The following ZFAND3 variants were observed in gnomAD, a reference collection of about 807,000 sequenced individuals.
ZFAND3 encodes the protein AN1-type zinc finger protein 3.
A neutral mutation model predicts 29.6 loss-of-function variants in ZFAND3; 10 were observed. The observed-to-expected ratio is 0.34, with a 90% CI of 0.21 to 0.57. The LOEUF (loss-of-function observed/expected upper bound fraction) is 0.57, where lower values mean the gene tolerates loss of function less well. ZFAND3 is among the 20% of genes least tolerant of loss of function. ZFAND3 has a pLI of 0.86. For missense variants in ZFAND3, 230 were observed against 304.5 expected, an observed-to-expected ratio of 0.76 and a Z score of 1.82; for synonymous variants, 128 against 112.6, an observed-to-expected ratio of 1.14 and a Z score of -0.87.
chr6:37,844,159 A>G (rs1326742982), intron 1 of ZFAND3, among the ~76,000 whole-genome samples: 1 of 151,962 alleles, frequency 6.6e-6, no homozygotes, highest in African/African-American at 2.4e-5. Context: ...CTTGGGCTCC[A>G]GTGATCTGCC....
intron 1 of ZFAND3, among the ~76,000 whole-genome samples, chr6:37,853,784 C>T (rs1461988038): frequency 3.3e-5 from 5 of 151,972 alleles, no homozygotes; most frequent in African/African-American, 4.8e-5. Context: ...TTATTAGGCA[C>T]CTGAATAAAT....
Position 37,882,927 on chromosome 6 carries a change from A to T in ZFAND3, c.72-47032A>T, listed in dbSNP as rs868717970. 2.0e-5 allele frequency among the ~76,000 whole-genome samples: 3 copies of T among 152,324 alleles called. No individual in the cohort carries two copies. In the South Asian group the frequency reaches 6.2e-4, roughly 32 times the overall value. ...TACCATCCAGTGTATGGCTATATTT[A>T]AAACATGTAGCCTGGGTGCATTGTC... On this transcript the variant is annotated intron_variant, in intron 1 of 5. Transcript: ENST00000287218.
intron 2 of ZFAND3, among the ~76,000 whole-genome samples, chr6:37,997,799 G>A (rs774810951): frequency 1.3e-5 from 2 of 152,162 alleles, no homozygotes; most frequent in South Asian, 2.1e-4. Context: ...TCATAGGTCC[G>A]TCAGCTTTGA....
chr6:37,861,451 T>TA (rs1291140577), intron 1 of ZFAND3, among the ~76,000 whole-genome samples: 3 of 151,874 alleles, frequency 2.0e-5, no homozygotes, highest in African/African-American at 7.3e-5. Flanking sequence ...GACAACATGA[T>TA]AAAAAAGACG....
rs528476135 is a variant in ZFAND3 at position 38,058,323 on chromosome 6, T to C, written c.113-3270T>C. On this transcript the variant is annotated intron_variant, in intron 2 of 5. Transcript: ENST00000287218. ...CAATTAAATGGTAGACAGATGGTTATGGGAGGGACACAATGATTATTGACA... is the reference window on the plus strand; with the variant it reads ...CAATTAAATGGTAGACAGATGGTTACGGGAGGGACACAATGATTATTGACA... Among the ~76,000 whole-genome samples the C allele has an allele frequency of 2.6e-5, 4 of 152,286 alleles. No homozygotes were observed. In the South Asian group the frequency reaches 8.3e-4, roughly 32 times the overall value.
In ZFAND3 at chr6:38,116,588, T is replaced by G; in HGVS notation, c.378T>G (p.Asn126Lys). 2 of 1,612,058 alleles carry G rather than the reference T, an allele frequency of 1.2e-6. No individual in the cohort carries two copies. Among genetic ancestry groups the G allele is most frequent in the African/African-American group, 2.7e-5 (2 of 75,006 alleles). ...TTTGGTCAGATTCACAGTCTGAGAATGAGGCTTCACCAGTAAAACGGCCAC... is the reference window on the plus strand; with the variant it reads ...TTTGGTCAGATTCACAGTCTGAGAAGGAGGCTTCACCAGTAAAACGGCCAC... Reference protein sequence around the residue: ...RSCGTDSQSENEASPVKRPRL... With the variant: ...RSCGTDSQSEKEASPVKRPRL... Residue 126 changes from asparagine (N) to lysine (K), a missense_variant, in exon 5 of 6, where the codon AAT becomes AAG. This residue lies in a region of ZFAND3 where 180 missense variants were observed against 202.5 expected (regional missense o/e 0.89). Coordinates refer to ENST00000287218, the MANE Select transcript of ZFAND3 (RefSeq NM_021943.3).
At chr6:38,034,688 C>T (rs113355249) in intron 2 of ZFAND3, among the ~76,000 whole-genome samples, 79 of 152,162 alleles carry the variant, frequency 5.2e-4, no homozygotes, top group African/African-American at 1.6e-3. Flanking sequence ...GATCTTCTCC[C>T]CAAATAGGGA....
chr6:37,908,542 T>TAAAAAAAAAAAAAAAAAAAAA (rs70981504), intron 1 of ZFAND3, among the ~76,000 whole-genome samples: 3 of 124,154 alleles, frequency 2.4e-5, no homozygotes, highest in African/African-American at 5.7e-5. Context: ...AAAAAAAAAT[T>TAAAAAAAAAAAAAAAAAAAAA]AAAAAAAAAA....
intron 2 of ZFAND3, among the ~76,000 whole-genome samples, chr6:37,990,957 T>C (rs543123916): frequency 2.2e-4 from 33 of 152,364 alleles, no homozygotes; most frequent in Admixed American, 7.2e-4. Flanking sequence ...CAGGCATCCT[T>C]GACAGGCTTT....
At chr6:38,091,447 C>T (rs1764866496) in intron 4 of ZFAND3, among the ~76,000 whole-genome samples, 1 of 146,400 alleles carries the variant, frequency 6.8e-6, no homozygotes, top group African/African-American at 2.5e-5. Flanking sequence ...GAATTTAATT[C>T]CCCTCTCCTC....
chr6:38,025,608 A>T (rs1331057643), intron 2 of ZFAND3, among the ~76,000 whole-genome samples: 1 of 152,216 alleles, frequency 6.6e-6, no homozygotes, highest in Non-Finnish European at 1.5e-5. Context: ...TTTAAACAGA[A>T]GACTAGTTTG....
chr6:37,974,529 T>C (rs975200415), intron 2 of ZFAND3, among the ~76,000 whole-genome samples: 4 of 151,374 alleles, frequency 2.6e-5, no homozygotes, highest in Admixed American at 2.6e-4. Flanking sequence ...CTCAGCCTCC[T>C]GAGTACCTGG....
At chr6:37,977,777 G>GT (rs750389527) in intron 2 of ZFAND3, among the ~76,000 whole-genome samples, 3,382 of 115,732 alleles carry the variant, frequency 0.029, 167 homozygotes, top group African/African-American at 0.068. Flanking sequence ...TGAGTTTTTT[G>GT]TTTTTTTTTT....
chr6:38,032,840 G>T (rs1013957279), intron 2 of ZFAND3, among the ~76,000 whole-genome samples: 1 of 152,174 alleles, frequency 6.6e-6, no homozygotes, highest in Non-Finnish European at 1.5e-5. Flanking sequence ...GATTTGAGTG[G>T]TGTGTTTGAA....
intron 1 of ZFAND3, among the ~76,000 whole-genome samples, chr6:37,860,650 T>TG (rs1299540873): frequency 3.1e-3 from 445 of 145,678 alleles, no homozygotes; most frequent in South Asian, 9.4e-3. Context: ...TTTTTTTTTT[T>TG]TTTTTTTAAG....
rs114988223 is a variant in ZFAND3, at chr6:38,137,037, G to A, written c.530-15198G>A. Among the ~76,000 whole-genome samples the A allele has an allele frequency of 3.1e-3, 468 of 152,302 alleles. 2 individuals carry two copies. The highest frequency in any genetic ancestry group is 0.011 in the African/African-American group (445 of 41,566). On this transcript the variant is annotated intron_variant, in intron 5 of 5. Coordinates refer to ENST00000287218, the MANE Select transcript of ZFAND3 (RefSeq NM_021943.3). ...AAAATACCAGGGTGGAATAGGAAAT[G>A]GATGTCAGTGGGAATTGTGTGGTTA...
chr6:37,888,214 ATAAATTTTAATGTATGAG>A (rs1765030527), intron 1 of ZFAND3, among the ~76,000 whole-genome samples: 1 of 152,182 alleles, frequency 6.6e-6, no homozygotes, highest in African/African-American at 2.4e-5. Context: ...GATTAGAAAA[ATAAATTTTAATGTATGAG>A]TAAAAAGTTT....
At chr6:37,938,300 T>C (rs1761739975) in intron 2 of ZFAND3, among the ~76,000 whole-genome samples, 1 of 152,232 alleles carries the variant, frequency 6.6e-6, no homozygotes, top group Non-Finnish European at 1.5e-5. Flanking sequence ...AATCTCCGTT[T>C]ATGCATTTTG....
chr6:37,951,305 TATC>T (rs1243170009), intron 2 of ZFAND3, among the ~76,000 whole-genome samples: 1 of 152,136 alleles, frequency 6.6e-6, no homozygotes, highest in East Asian at 1.9e-4. Context: ...TATAAAATCA[TATC>T]ATGGCTGGGT....
Sources: allele counts gnomAD v4.1 joint callset (sites outside exome capture counted in the v4.1 genomes callset), GRCh38; gene constraint gnomAD v4.1.1; regional missense constraint gnomAD v4.1.1; transcripts MANE v1.5; gene names NCBI Gene and HGNC (gene_info 2026-07-23, HGNC 2026-07-21).